The following GRK1 variants were observed in gnomAD, a reference collection of about 807,000 sequenced individuals.
The protein encoded by GRK1 is rhodopsin kinase GRK1.
In GRK1, 28 loss-of-function variants were observed where a neutral mutation model predicts 41.7. The observed-to-expected ratio is 0.67, with a 90% CI of 0.50 to 0.92. The LOEUF is 0.92. GRK1 is among the 40% of genes least tolerant of loss of function. The probability of loss-of-function intolerance (pLI) is 0.00; values close to 1 mark genes in which losing one functional copy is unlikely to be tolerated. For missense variants in GRK1, 703 were observed against 671.2 expected (o/e 1.05, Z -0.52); for synonymous variants, 327 against 286.7 (o/e 1.14, Z -1.42).
the GRK1 span, among the ~76,000 whole-genome samples, chr13:113,657,363 G>A: frequency 6.6e-6 from 1 of 152,246 alleles, no homozygotes; most frequent in Non-Finnish European, 1.5e-5. Flanking sequence ...TCTCTCATAA[G>A]GGGTGAGGGC....
chr13:113,653,239 G>A, the GRK1 span: 29 of 1,365,552 alleles, frequency 2.1e-5, no homozygotes, highest in South Asian at 1.1e-4. Flanking sequence ...TCACCCACCC[G>A]CCGCTTCACA....
chr13:113,729,300 G>A (rs975229208), intron 4 of GRK1, among the ~76,000 whole-genome samples: 2 of 152,238 alleles, frequency 1.3e-5, no homozygotes, highest in Non-Finnish European at 2.9e-5. Context: ...TCCCTGATCC[G>A]CTGGCGGAGC....
chr13:113,660,328 C>T, the GRK1 span, among the ~76,000 whole-genome samples: 1 of 152,116 alleles, frequency 6.6e-6, no homozygotes, highest in South Asian at 2.1e-4. Context: ...CAGTGGAGAC[C>T]ATATGGAAAG....
intron 6 of GRK1, among the ~76,000 whole-genome samples, chr13:113,733,521 A>ATG (rs776167702): frequency 2.2e-4 from 32 of 144,384 alleles, no homozygotes; most frequent in African/African-American, 7.2e-4. Flanking sequence ...GTGTGTGTGC[A>ATG]TGTGTGCGCG....
chr13:113,723,388 C>T (rs1046895480), intron 4 of GRK1, among the ~76,000 whole-genome samples: 20 of 152,056 alleles, frequency 1.3e-4, no homozygotes, highest in South Asian at 2.1e-4. Context: ...AGGTTGAGGA[C>T]GCGAGTCCGT....
chr13:113,734,539 G>A (rs1366046514), intron 6 of GRK1: 4 of 152,432 alleles, frequency 2.6e-5, no homozygotes, highest in Admixed American at 6.5e-5. Context: ...GGTCAGGGTC[G>A]GTGCACCGAG....
At chr13:113,657,993 C>A in the GRK1 span, 1 of 1,516,018 alleles carries the variant, frequency 6.6e-7, no homozygotes, top group South Asian at 1.2e-5. Context: ...CTCAGAGCGG[C>A]CCCCTCCATG....
At chr13:113,656,365 G>A in the GRK1 span, among the ~76,000 whole-genome samples, 1 of 152,202 alleles carries the variant, frequency 6.6e-6, no homozygotes, top group African/African-American at 2.4e-5. Flanking sequence ...GATGTGGGCG[G>A]TGCGTGTCTC....
intron 4 of GRK1, among the ~76,000 whole-genome samples, chr13:113,727,430 C>G (rs2140725739): frequency 6.6e-6 from 1 of 151,914 alleles, no homozygotes. Flanking sequence ...TAGGCTGTGG[C>G]CTGTGGACCG....
intron 1 of GRK1, 53 bp from the exon 2 acceptor site, chr13:113,669,634 C>A (rs771124227): frequency 1.9e-6 from 3 of 1,611,450 alleles, no homozygotes; most frequent in Admixed American, 1.7e-5. Flanking sequence ...CTGCGATGCA[C>A]CTAGTCCCTT....
chr13:113,668,618 G>A (rs954957317), intron 1 of GRK1, among the ~76,000 whole-genome samples: 3 of 152,238 alleles, frequency 2.0e-5, no homozygotes, highest in Non-Finnish European at 2.9e-5. Context: ...AGTGAGCGAC[G>A]GGCACGCAGG....
At chr13:113,652,929 C>T in the GRK1 span, 16 of 1,614,230 alleles carry the variant, frequency 9.9e-6, no homozygotes, top group Non-Finnish European at 1.3e-5. Context: ...AAGTTGGGAT[C>T]CGCCAGGCCT....
intron 6 of GRK1, among the ~76,000 whole-genome samples, chr13:113,733,968 G>GTGTGTACATA (rs879935844): frequency 1.6e-5 from 2 of 124,968 alleles, no homozygotes; most frequent in Non-Finnish European, 1.8e-5. Flanking sequence ...ACGTGTGTGT[G>GTGTGTACATA]CGTGTGTGCG....
At chr13:113,734,130 C>T (rs545790797) in intron 6 of GRK1, among the ~76,000 whole-genome samples, 1 of 152,182 alleles carries the variant, frequency 6.6e-6, no homozygotes, top group Non-Finnish European at 1.5e-5. Context: ...CCCTCTAGGA[C>T]CCTGTGGTCA....
the GRK1 span, among the ~76,000 whole-genome samples, chr13:113,655,685 G>T: frequency 7.2e-5 from 11 of 152,254 alleles, no homozygotes; most frequent in Admixed American, 2.0e-4. Context: ...GGGAGACACC[G>T]GCAGGAAGAG....
At chr13:113,728,325 A>G (rs866555097) in intron 4 of GRK1, among the ~76,000 whole-genome samples, 68 of 62,134 alleles carry the variant, frequency 1.1e-3, no homozygotes, top group Middle Eastern at 0.013. Flanking sequence ...TACCCATGGC[A>G]AGGAGTACCC....
chr13:113,651,621 G>A, the GRK1 span: 4 of 1,539,792 alleles, frequency 2.6e-6, no homozygotes, highest in Non-Finnish European at 3.5e-6. Context: ...GCACGACCCT[G>A]ACAAGCTCCT....
At chr13:113,652,877 T>C in the GRK1 span, 2 of 1,614,028 alleles carry the variant, frequency 1.2e-6, no homozygotes, top group Admixed American at 3.3e-5. Flanking sequence ...ACTCACCCTG[T>C]TCATTTTAAT....
At chr13:113,651,832 T>C in the GRK1 span, 1 of 1,380,436 alleles carries the variant, frequency 7.2e-7, no homozygotes, top group Non-Finnish European at 9.8e-7. Flanking sequence ...CAGCCTGGGC[T>C]TTCTGACCAG....
Sources: allele counts gnomAD v4.1 joint callset (sites outside exome capture counted in the v4.1 genomes callset), GRCh38; gene constraint gnomAD v4.1.1; transcripts MANE v1.5; gene names NCBI Gene and HGNC (gene_info 2026-07-23, HGNC 2026-07-21).